The following TOP2B variants were observed in gnomAD, a reference collection of about 807,000 sequenced individuals.
The protein encoded by TOP2B is DNA topoisomerase 2-beta.
Under a neutral mutation model 193.5 loss-of-function variants are expected in TOP2B, and 51 were observed. The observed-to-expected ratio is 0.26, with a 90% CI of 0.21 to 0.33. The LOEUF is 0.33. TOP2B is among the 10% of genes least tolerant of loss of function. TOP2B has a pLI of 1.00. For missense variants in TOP2B, 1,378 were observed against 1,909.3 expected, an observed-to-expected ratio of 0.72 and a Z score of 5.19; for synonymous variants, 634 against 635.7, an observed-to-expected ratio of 1.00 and a Z score of 0.04.
intron 28 of TOP2B, among the ~76,000 whole-genome samples, chr3:25,610,983 T>C (rs977091975): frequency 4.6e-5 from 7 of 152,220 alleles, no homozygotes; most frequent in Admixed American, 1.3e-4. Flanking sequence ...GCTTATATCA[T>C]TGATGGCTGA....
At chr3:25,648,094 A>G (rs968217306) in intron 1 of TOP2B, among the ~76,000 whole-genome samples, 13 of 152,222 alleles carry the variant, frequency 8.5e-5, no homozygotes, top group Admixed American at 8.5e-4. Flanking sequence ...TATACCTCCA[A>G]TGGAACAGCT....
intron 21 of TOP2B, among the ~76,000 whole-genome samples, 162 bp downstream of exon 21, chr3:25,623,353 T>G (rs1317749471): frequency 2.6e-5 from 4 of 152,244 alleles, no homozygotes; most frequent in Non-Finnish European, 5.9e-5. Flanking sequence ...CCAAAGTTTA[T>G]ACTTTTTACT....
rs1175761381 is a variant in TOP2B at position 25,635,945 on chromosome 3, C to A, written c.843G>T (p.Lys281Asn). The change falls in exon 7 of 36, where the codon AAG becomes AAT. Residue 281 changes from lysine (K) to asparagine (N), a missense_variant. By Grantham distance (94) the Lys-to-Asn change is moderately conservative (BLOSUM62 0). Around this residue, in one of 9 missense-constraint regions of TOP2B, gnomAD observed 222 missense variants for 306.6 expected, o/e 0.72. Transcript: ENST00000264331. The stretch of plus-strand genomic sequence containing the variant: ...TTTACAGGACACTTACAGGCAATTT[C>A]TTTCCATTAAACATGACCTTGACCC... ...CRGVKVMFNG[K>N]KLPVNGFRSY... The A allele has an allele frequency of 6.2e-7, 1 of 1,612,544 alleles. No individual in the cohort carries two copies. The highest frequency in any genetic ancestry group is 1.3e-5 in the African/African-American group (1 of 74,846).
Position 25,609,256 on chromosome 3 carries a change from G to A in TOP2B, c.4020C>T (p.Ser1340=). 6.2e-7 allele frequency: 1 copy of A among 1,605,156 alleles called. No individual in the cohort carries two copies. Among genetic ancestry groups the A allele is most frequent in the Non-Finnish European group, 8.5e-7 (1 of 1,175,106 alleles). The change falls in exon 30 of 36, where the codon TCC becomes TCT. Residue 1340 remains serine (S), a synonymous_variant. Coordinates refer to ENST00000264331, the MANE Select transcript of TOP2B (RefSeq NM_001330700.2). ...KKRNPWSDDE[S]KSESDLEETE... ...TTTCTTCCAAATCACTTTCTGACTT[G>A]GATTCATCATCTGACCAAGGATTCC...
At chr3:25,624,195 C>A in intron 20 of TOP2B, 102 bp downstream of exon 20, 1 of 1,351,312 alleles carries the variant, frequency 7.4e-7, no homozygotes, top group Non-Finnish European at 1.0e-6. Flanking sequence ...AGTAGAATAA[C>A]CAGATAATCA....
At chr3:25,638,645 T>TAGC (rs372882037) in intron 4 of TOP2B, among the ~76,000 whole-genome samples, 6 of 152,180 alleles carry the variant, frequency 3.9e-5, no homozygotes, top group African/African-American at 1.4e-4. Context: ...TCATCATGTT[T>TAGC]AGCACATGGT....
At chr3:25,621,876 C>G (rs1702666781) in intron 21 of TOP2B, among the ~76,000 whole-genome samples, 1 of 151,888 alleles carries the variant, frequency 6.6e-6, no homozygotes, top group African/African-American at 2.4e-5. Flanking sequence ...GTGGCCCCAT[C>G]TACTCAGGAG....
chr3:25,604,777 GT>G lies in TOP2B; in HGVS notation c.4471del (p.Thr1491ArgfsTer2). ...GTACATACCCTTTTTAGCAGCTACC[GT>G]TTTACTTGGAACTTTATCTGTCTGT... Reference protein sequence around the residue: ...LKQTDKVPSKTVAAKKGKPSS... With the variant: ...LKQTDKVPSKXVAAKKGKPSS... On this transcript the variant is annotated frameshift_variant, in exon 33 of 36. Transcript: ENST00000264331. LOFTEE classifies it high-confidence loss of function. The G allele has an allele frequency of 6.2e-7, 1 of 1,612,196 alleles. No individual in the cohort carries two copies. The highest frequency in any genetic ancestry group is 8.5e-7 in the Non-Finnish European group (1 of 1,178,878).
intron 21 of TOP2B, among the ~76,000 whole-genome samples, chr3:25,621,440 C>T (rs958359957): frequency 3.3e-5 from 5 of 152,142 alleles, no homozygotes; most frequent in East Asian, 1.9e-4. Context: ...CAGCTCACTG[C>T]AGCCTCAACC....
At chr3:25,626,930 T>C (rs1214289663) in intron 16 of TOP2B, 66 bp from the exon 17 acceptor site, 5 of 983,198 alleles carry the variant, frequency 5.1e-6, no homozygotes, top group Non-Finnish European at 1.5e-6. Context: ...AAAATTAAAA[T>C]GTATAAGTGG....
At chr3:25,609,134 C>T (rs960412746) in intron 30 of TOP2B, 49 bp downstream of exon 30, 13 of 1,456,898 alleles carry the variant, frequency 8.9e-6, no homozygotes, top group Admixed American at 6.3e-5. Flanking sequence ...ACAATACCAA[C>T]GTATAGGTTA....
intron 25 of TOP2B, 179 bp downstream of exon 25, chr3:25,618,239 G>C: frequency 1.7e-6 from 1 of 573,866 alleles, no homozygotes; most frequent in Non-Finnish European, 3.1e-6. Context: ...TGTGGTGGGT[G>C]TGTACTATAA....
chr3:25,659,896 G>T (rs138925718), intron 1 of TOP2B, among the ~76,000 whole-genome samples: 75 of 152,266 alleles, frequency 4.9e-4, no homozygotes, highest in African/African-American at 1.7e-3. Flanking sequence ...TTAACCATGT[G>T]CCTAAGAATT....
chr3:25,599,355 A>G (rs1315647864), intron 35 of TOP2B, 80 bp downstream of exon 35: 1 of 1,340,134 alleles, frequency 7.5e-7, no homozygotes, highest in Non-Finnish European at 1.0e-6. Context: ...TTCCAGGACT[A>G]TAGTCATAAG....
At position 25,664,247 on chromosome 3, in the gene TOP2B, G is replaced by A. The variant is rs1471125056; in HGVS notation, c.51C>T (p.Asn17=). 6.5e-7 allele frequency: 1 copy of A among 1,537,818 alleles called. No homozygotes were observed. Among genetic ancestry groups the A allele is most frequent in the Non-Finnish European group, 8.7e-7 (1 of 1,145,704 alleles). ...CACTTACCACCCAGGTCAGTGCCCC[G>A]TTGCCGCCGCCCACGCCGGCTCCCG... The part of the protein sequence containing the change: ...CGAGAGVGGG[N]GALTWVTLFD... The change falls in exon 1 of 36, where the codon AAC becomes AAT. Residue 17 remains asparagine (N), a synonymous_variant. Transcript: ENST00000264331.
At chr3:25,628,043 C>T (rs1014592499) in intron 15 of TOP2B, among the ~76,000 whole-genome samples, 27 of 150,254 alleles carry the variant, frequency 1.8e-4, no homozygotes, top group African/African-American at 6.4e-4. Context: ...CAGAGCAAGA[C>T]TCTATCTCAA....
intron 1 of TOP2B, among the ~76,000 whole-genome samples, chr3:25,646,843 T>C (rs977436732): frequency 3.3e-5 from 5 of 152,172 alleles, no homozygotes; most frequent in Non-Finnish European, 5.9e-5. Flanking sequence ...TAATATATCC[T>C]CAGGAAACTC....
intron 4 of TOP2B, among the ~76,000 whole-genome samples, chr3:25,640,052 C>T (rs2125390442): frequency 6.6e-6 from 1 of 152,320 alleles, no homozygotes; most frequent in East Asian, 1.9e-4. Flanking sequence ...AACAGTGCAA[C>T]AGCTCTTTTT....
At chr3:25,599,350 G>C (rs964423524) in intron 35 of TOP2B, 85 bp downstream of exon 35, 9 of 1,282,714 alleles carry the variant, frequency 7.0e-6, no homozygotes, top group Non-Finnish European at 9.8e-6. Context: ...AGCTGTTCCA[G>C]GACTATAGTC....
Sources: allele counts gnomAD v4.1 joint callset (sites outside exome capture counted in the v4.1 genomes callset), GRCh38; gene constraint gnomAD v4.1.1; regional missense constraint gnomAD v4.1.1; transcripts MANE v1.5; gene names NCBI Gene and HGNC (gene_info 2026-07-23, HGNC 2026-07-21).